TRABD2B: variants seen among roughly 807,000 people sequenced by gnomAD.
TRABD2B encodes metalloprotease TIKI2.
In TRABD2B, 14 loss-of-function variants were observed where a neutral mutation model predicts 40.1. The observed-to-expected ratio is 0.35, with a 90% confidence interval of 0.23 to 0.55. The LOEUF (loss-of-function observed/expected upper bound fraction) is 0.55. Among genes scored for constraint, TRABD2B ranks in the 20% least tolerant of loss-of-function variants. TRABD2B has a pLI of 0.90. For missense variants in TRABD2B, 541 were observed against 648.6 expected (o/e 0.83, Z 1.80); for synonymous variants, 263 against 277.0 (o/e 0.95, Z 0.50).
At chr1:47,788,752 T>C (rs1386394313) in intron 4 of TRABD2B, among the ~76,000 whole-genome samples, 1 of 152,246 alleles carries the variant, frequency 6.6e-6, no homozygotes, top group Non-Finnish European at 1.5e-5. Flanking sequence ...GTTAGAATTA[T>C]ACTCAGATTA....
chr1:47,974,302 C>A (rs916025743), intron 2 of TRABD2B, among the ~76,000 whole-genome samples: 5 of 152,068 alleles, frequency 3.3e-5, no homozygotes, highest in Admixed American at 2.0e-4. Flanking sequence ...GTCCCTTAAG[C>A]AGCCTCAGGT....
At chr1:47,768,545 G>T (rs12038866) in intron 6 of TRABD2B, among the ~76,000 whole-genome samples, 2 of 152,054 alleles carry the variant, frequency 1.3e-5, no homozygotes, top group Admixed American at 1.3e-4. Context: ...CCCCTGGAGG[G>T]CTTCTTTGAT....
In TRABD2B at chr1:47,849,310, T is replaced by A. The variant is rs147539116; in HGVS notation, c.667-47691A>T. Reference sequence around the variant, plus strand: ...CAGAGACACCAGACATGTGTACAACTGGACAATCACGAGAAGAGGCATCCA... The same window carrying A: ...CAGAGACACCAGACATGTGTACAACAGGACAATCACGAGAAGAGGCATCCA... On this transcript the variant is annotated intron_variant, in intron 2 of 6. Transcript: ENST00000606738. 2.0e-5 allele frequency among the ~76,000 whole-genome samples: 3 copies of A among 152,252 alleles called. No homozygotes were observed. In the East Asian group the frequency reaches 5.8e-4, roughly 29 times the overall value.
intron 2 of TRABD2B, among the ~76,000 whole-genome samples, chr1:47,927,610 T>A (rs1038168044): frequency 3.3e-5 from 5 of 152,098 alleles, no homozygotes; most frequent in African/African-American, 4.8e-5. Flanking sequence ...AAACACTCCA[T>A]GTTTGTCAGG....
intron 2 of TRABD2B, among the ~76,000 whole-genome samples, chr1:47,871,752 T>C (rs916089716): frequency 1.3e-5 from 2 of 152,244 alleles, no homozygotes; most frequent in African/African-American, 2.4e-5. Context: ...CCTGGTGCTC[T>C]GACCTCCATT....
chr1:47,941,547 G>T (rs945330080), intron 2 of TRABD2B, among the ~76,000 whole-genome samples: 10 of 152,206 alleles, frequency 6.6e-5, no homozygotes, highest in South Asian at 6.2e-4. Context: ...CAATTTACCT[G>T]GACACTGCCT....
At chr1:47,773,586 G>A (rs1644404808) in intron 6 of TRABD2B, among the ~76,000 whole-genome samples, 1 of 152,196 alleles carries the variant, frequency 6.6e-6, no homozygotes, top group Admixed American at 6.5e-5. Context: ...CCTTTGGCTT[G>A]GTTCTCATTC....
chr1:47,798,683 C>T (rs983622184), intron 3 of TRABD2B, among the ~76,000 whole-genome samples: 10 of 152,218 alleles, frequency 6.6e-5, no homozygotes, highest in African/African-American at 2.4e-4. Context: ...GCGCTCTCCA[C>T]CCCTCAGCAT....
chr1:47,956,149 G>T (rs1031475089), intron 2 of TRABD2B, among the ~76,000 whole-genome samples: 1 of 152,126 alleles, frequency 6.6e-6, no homozygotes, highest in African/African-American at 2.4e-5. Flanking sequence ...TTTTGCCTAT[G>T]ATCTCCTGCC....
chr1:47,816,127 C>G (rs146203113), intron 2 of TRABD2B, among the ~76,000 whole-genome samples: 5 of 152,104 alleles, frequency 3.3e-5, no homozygotes, highest in Admixed American at 2.0e-4. Context: ...AGCCTCACCC[C>G]CTTCCCCTCT....
intron 2 of TRABD2B, among the ~76,000 whole-genome samples, chr1:47,840,986 C>G (rs1451400748): frequency 6.6e-6 from 1 of 152,160 alleles, no homozygotes; most frequent in Non-Finnish European, 1.5e-5. Flanking sequence ...GAAGCCTATT[C>G]AAACCTGACA....
At chr1:47,857,067 C>A (rs1225327286) in intron 2 of TRABD2B, among the ~76,000 whole-genome samples, 1 of 152,218 alleles carries the variant, frequency 6.6e-6, no homozygotes, top group African/African-American at 2.4e-5. Flanking sequence ...GTCCTTGAGC[C>A]TGTTGGGAGA....
At position 47,901,025 on chromosome 1, in the gene TRABD2B, T is replaced by C. The variant is rs576148916; in HGVS notation, c.666+93009A>G. On this transcript the variant is annotated intron_variant, in intron 2 of 6. Transcript: ENST00000606738. ...AGGTTAGTTGTGCCCGTCTGTCCCATAACATTTACAGACAATCATAAAAGG... is the reference window on the plus strand; with the variant it reads ...AGGTTAGTTGTGCCCGTCTGTCCCACAACATTTACAGACAATCATAAAAGG... Among the ~76,000 whole-genome samples the C allele has an allele frequency of 5.9e-5, 9 of 152,310 alleles. No homozygotes were observed. In the South Asian group the frequency reaches 1.9e-3, roughly 32 times the overall value.
At chr1:47,906,306 T>C (rs534479497) in intron 2 of TRABD2B, among the ~76,000 whole-genome samples, 10 of 152,094 alleles carry the variant, frequency 6.6e-5, no homozygotes, top group Non-Finnish European at 1.3e-4. Flanking sequence ...CCCTAGGAGG[T>C]GGACACTATT....
intron 4 of TRABD2B, among the ~76,000 whole-genome samples, chr1:47,787,339 T>C (rs1644609983): frequency 6.6e-6 from 1 of 152,204 alleles, no homozygotes; most frequent in Non-Finnish European, 1.5e-5. Context: ...ACCTTGGACC[T>C]AGCTCTGTCT....
At chr1:47,775,120 C>T (rs1644426276) in intron 6 of TRABD2B, 50 bp downstream of exon 6, 14 of 1,232,200 alleles carry the variant, frequency 1.1e-5, no homozygotes, top group Non-Finnish European at 1.4e-5. Context: ...GGTATACTAT[C>T]CCGGGTGCAG....
intron 2 of TRABD2B, among the ~76,000 whole-genome samples, chr1:47,872,971 G>A (rs1644166403): frequency 6.6e-6 from 1 of 152,150 alleles, no homozygotes; most frequent in Non-Finnish European, 1.5e-5. Flanking sequence ...CTGGAGGCTG[G>A]GAAGTTTAGA....
intron 2 of TRABD2B, among the ~76,000 whole-genome samples, chr1:47,808,977 C>A (rs1389039846): frequency 6.6e-6 from 1 of 152,104 alleles, no homozygotes; most frequent in East Asian, 1.9e-4. Flanking sequence ...GTCACCCTTG[C>A]TAAGGTAACC....
At chr1:47,973,753 T>C (rs548673545) in intron 2 of TRABD2B, among the ~76,000 whole-genome samples, 3 of 152,338 alleles carry the variant, frequency 2.0e-5, no homozygotes, top group South Asian at 4.1e-4. Context: ...GCTTTCTCTA[T>C]TCTGTTCTCC....
Sources: allele counts gnomAD v4.1 joint callset (sites outside exome capture counted in the v4.1 genomes callset), GRCh38; gene constraint gnomAD v4.1.1; transcripts MANE v1.5; gene names NCBI Gene and HGNC (gene_info 2026-07-23, HGNC 2026-07-21).